MAP3K5: variants seen among roughly 807,000 people sequenced by gnomAD.
The protein encoded by MAP3K5 is mitogen-activated protein kinase kinase kinase 5.
In MAP3K5, 56 loss-of-function variants were observed where a neutral mutation model predicts 158.7. The ratio of observed to expected loss-of-function variants is 0.35; its 90% CI spans 0.28 to 0.44. MAP3K5 has a LOEUF of 0.44. Among genes scored for constraint, MAP3K5 ranks in the 20% least tolerant of loss-of-function variants. MAP3K5 has a pLI of 1.00. For synonymous variants in MAP3K5, 579 were observed against 601.7 expected (o/e 0.96, Z 0.55); for missense variants, 1,294 against 1,674.8 (o/e 0.77, Z 3.97).
intron 1 of MAP3K5, among the ~76,000 whole-genome samples, chr6:136,735,427 T>C (rs554882947): frequency 6.6e-6 from 1 of 152,332 alleles, no homozygotes; most frequent in East Asian, 1.9e-4. Context: ...ATTTATGAGA[T>C]AATCAAAATT....
Position 136,557,717 on chromosome 6 carries a change from T to C in MAP3K5, c.*41A>G. ...ACCCCCAAGAAGATCAGCTCTGTAT[T>C]AATTTTTAGAATTTCCATCGAAGAT... On this transcript the variant is annotated 3_prime_UTR_variant, in exon 30 of 30. Coordinates refer to ENST00000359015, the MANE Select transcript of MAP3K5 (RefSeq NM_005923.4). 1 of 1,474,140 alleles carries C rather than the reference T, an allele frequency of 6.8e-7. No homozygotes were observed. The highest frequency in any genetic ancestry group is 9.5e-7 in the Non-Finnish European group (1 of 1,052,294). 91.3% of individuals were successfully genotyped at this position (1,474,140 alleles called of 1,614,324 possible).
At chr6:136,610,504 G>A (rs1381374975) in intron 18 of MAP3K5, among the ~76,000 whole-genome samples, 2 of 150,648 alleles carry the variant, frequency 1.3e-5, no homozygotes, top group Non-Finnish European at 2.9e-5. Context: ...ACCACAGAGA[G>A]TAAACAGTAA....
chr6:136,686,401 T>C (rs956432857), intron 7 of MAP3K5, among the ~76,000 whole-genome samples: 3 of 152,132 alleles, frequency 2.0e-5, no homozygotes, highest in Non-Finnish European at 2.9e-5. Flanking sequence ...CTATTCAACA[T>C]AGTATTGGAA....
chr6:136,683,704 A>C (rs1304531859), intron 7 of MAP3K5, among the ~76,000 whole-genome samples: 1 of 152,160 alleles, frequency 6.6e-6, no homozygotes, highest in African/African-American at 2.4e-5. Flanking sequence ...ACTGTTTCCA[A>C]GTATTGTGTA....
At position 136,613,286 on chromosome 6, in the gene MAP3K5, T is replaced by G. The variant is rs768290020; in HGVS notation, c.2279-30A>C. The G allele has an allele frequency of 2.5e-6, 4 of 1,595,454 alleles. No individual in the cohort carries two copies. The South Asian group carries it at 4.5e-5, about 18-fold the overall frequency. ...AAAGTAGGGATAAATAGTAAATAAA[T>G]CCTCATTCAAATGAGCTCTTTAAAG... On this transcript the variant is annotated intron_variant, in intron 16 of 29. Coordinates refer to ENST00000359015, the MANE Select transcript of MAP3K5 (RefSeq NM_005923.4). The surrounding 1 kb of genome is among the most constrained non-coding windows in gnomAD (Gnocchi z 4.0).
chr6:136,601,746 T>C (rs1775884901), intron 20 of MAP3K5, 56 bp downstream of exon 20: 1 of 1,532,624 alleles, frequency 6.5e-7, no homozygotes, highest in Middle Eastern at 1.7e-4. Context: ...TTCTTCCATC[T>C]TAAAAGCTTA....
intron 11 of MAP3K5, among the ~76,000 whole-genome samples, 197 bp from the exon 12 acceptor site, chr6:136,642,766 TC>T (rs1229640955): frequency 6.6e-6 from 1 of 152,170 alleles, no homozygotes; most frequent in African/African-American, 2.4e-5. Context: ...ACTTAATAAT[TC>T]CTGTACTTCA....
chr6:136,587,463 G>T (rs1775188596), intron 23 of MAP3K5, among the ~76,000 whole-genome samples: 1 of 152,218 alleles, frequency 6.6e-6, no homozygotes, highest in Non-Finnish European at 1.5e-5. Context: ...TATCATAGAT[G>T]AGGAGGTTCA....
chr6:136,560,928 C>T lies in MAP3K5; in HGVS notation c.3987+605G>A, dbSNP rs146650055. 3.4e-4 allele frequency among the ~76,000 whole-genome samples: 47 copies of T among 139,112 alleles called. No homozygotes were observed. The East Asian group carries it at 6.1e-3, about 18-fold the overall frequency. The allele number at this position is 139,112 out of a possible 152,430, so 91.3% of individuals were successfully genotyped here. On this transcript the variant is annotated intron_variant, in intron 28 of 29. Coordinates refer to ENST00000359015, the MANE Select transcript of MAP3K5 (RefSeq NM_005923.4). ...CTGCCCTCCAGCCAGGGTAACAGAG[C>T]GAGACCTTGTCTCCAAAAAAATATA...
chr6:136,694,398 T>C, intron 6 of MAP3K5, 88 bp from the exon 7 acceptor site: 1 of 1,074,348 alleles, frequency 9.3e-7, no homozygotes, highest in Non-Finnish European at 1.3e-6. Flanking sequence ...AACATGTTGA[T>C]TCATATTAGA....
intron 18 of MAP3K5, among the ~76,000 whole-genome samples, chr6:136,607,788 G>T (rs1776163835): frequency 6.6e-6 from 1 of 152,178 alleles, no homozygotes; most frequent in African/African-American, 2.4e-5. Flanking sequence ...ACTGTTCTAG[G>T]CACTTAGAAT....
chr6:136,759,462 A>ATATATG (rs1375197811), intron 1 of MAP3K5, among the ~76,000 whole-genome samples: 1 of 139,416 alleles, frequency 7.2e-6, no homozygotes, highest in African/African-American at 2.6e-5. Flanking sequence ...AACTATATAT[A>ATATATG]TATATATATA....
intron 8 of MAP3K5, among the ~76,000 whole-genome samples, chr6:136,668,279 G>A (rs1779315100): frequency 6.6e-6 from 1 of 152,084 alleles, no homozygotes; most frequent in Non-Finnish European, 1.5e-5. Flanking sequence ...AGCTTCTTAG[G>A]AGGCCAAAGT....
intron 8 of MAP3K5, among the ~76,000 whole-genome samples, chr6:136,663,771 G>A (rs531727705): frequency 6.6e-6 from 1 of 151,870 alleles, no homozygotes; most frequent in African/African-American, 2.4e-5. Flanking sequence ...CACCACGCCC[G>A]GCTAATTTTT....
intron 1 of MAP3K5, among the ~76,000 whole-genome samples, chr6:136,721,941 A>C (rs1004380084): frequency 6.6e-6 from 1 of 152,216 alleles, no homozygotes; most frequent in Non-Finnish European, 1.5e-5. Flanking sequence ...TATATGTTTC[A>C]TAACAACTTC....
chr6:136,659,088 AT>A, intron 9 of MAP3K5, 130 bp downstream of exon 9: 1 of 836,984 alleles, frequency 1.2e-6, no homozygotes, highest in Non-Finnish European at 1.8e-6. Context: ...GAATATCACA[AT>A]TTTCCTCTAT....
chr6:136,727,765 C>T (rs926425563), intron 1 of MAP3K5, among the ~76,000 whole-genome samples: 5 of 151,838 alleles, frequency 3.3e-5, no homozygotes. Context: ...TCGAGACCAT[C>T]CTGGCTAACA....
At chr6:136,625,286 A>C (rs1301219671) in intron 14 of MAP3K5, among the ~76,000 whole-genome samples, 6 of 152,240 alleles carry the variant, frequency 3.9e-5, no homozygotes, top group Non-Finnish European at 8.8e-5. Context: ...TGTTCCAATA[A>C]GGCTTTATTT....
intron 1 of MAP3K5, among the ~76,000 whole-genome samples, chr6:136,732,496 G>T (rs530220923): frequency 5.1e-4 from 77 of 152,236 alleles, no homozygotes; most frequent in African/African-American, 1.3e-3. Context: ...AGACAAGGAA[G>T]TGATGAGGTG....
Sources: allele counts gnomAD v4.1 joint callset (sites outside exome capture counted in the v4.1 genomes callset), GRCh38; gene constraint gnomAD v4.1.1; non-coding constraint Gnocchi (gnomAD v3.1); transcripts MANE v1.5; gene names NCBI Gene and HGNC (gene_info 2026-07-23, HGNC 2026-07-21).